AGPAT4: variants seen among roughly 807,000 people sequenced by gnomAD.
AGPAT4 encodes 1-acyl-sn-glycerol-3-phosphate acyltransferase delta.
Under a neutral mutation model 48.0 loss-of-function variants are expected in AGPAT4, and 15 were observed. The ratio of observed to expected loss-of-function variants is 0.31; its 90% CI spans 0.21 to 0.48. The LOEUF is 0.48. Ranked by LOEUF, AGPAT4 falls within the 20% of genes least tolerant of loss-of-function variation. The probability of loss-of-function intolerance (pLI) is 0.99; values close to 1 mark genes in which losing one functional copy is unlikely to be tolerated. For missense variants in AGPAT4, 314 were observed against 482.5 expected (o/e 0.65, Z 3.27); for synonymous variants, 178 against 198.7 (o/e 0.90, Z 0.88).
rs1036190251 is a variant in AGPAT4 at position 161,216,985 on chromosome 6, G to C, written c.178+15051C>G. ...TGACTTTCCCCTCACACGTGGCTCT[G>C]ATTCACCTTTGCTCACCTGCTGATG... On this transcript the variant is annotated intron_variant, in intron 2 of 8. Coordinates refer to ENST00000320285, the MANE Select transcript of AGPAT4 (RefSeq NM_020133.3). The surrounding 1 kb of genome is among the most constrained non-coding windows in gnomAD (Gnocchi z 4.8). Among the ~76,000 whole-genome samples, 1 of 152,212 alleles carries C rather than the reference G, an allele frequency of 6.6e-6. No individual in the cohort carries two copies. The highest frequency in any genetic ancestry group is 1.5e-5 in the Non-Finnish European group (1 of 68,040).
At chr6:161,273,886 T>G (rs1197584617) in intron 1 of AGPAT4, 52 bp downstream of exon 1, 1 of 141,252 alleles carries the variant, frequency 7.1e-6, no homozygotes, top group Non-Finnish European at 1.5e-5. Context: ...AATGCAAACA[T>G]CAGCCACACC....
At position 161,266,821 on chromosome 6, in the gene AGPAT4, C is replaced by T. The variant is rs527260067; in HGVS notation, c.-90+7117G>A. Among the ~76,000 whole-genome samples, 100 of 152,280 alleles carry T rather than the reference C, an allele frequency of 6.6e-4. No homozygotes were observed. The highest frequency in any genetic ancestry group is 2.3e-3 in the African/African-American group (94 of 41,554). On this transcript the variant is annotated intron_variant, in intron 1 of 8. Transcript: ENST00000320285. This position sits in a 1 kb window ranked among gnomAD's most constrained non-coding sequence, Gnocchi z 6.2. ...ACAGATAGTTCTTTAAAATTTCATCCGCCTCGGTTAACCTCTACCCACAGA... is the reference window on the plus strand; with the variant it reads ...ACAGATAGTTCTTTAAAATTTCATCTGCCTCGGTTAACCTCTACCCACAGA...
rs1779255343 is a variant in AGPAT4, at chr6:161,141,718, T to A, written c.844-2098A>T. Among the ~76,000 whole-genome samples, 2 of 152,180 alleles carry A rather than the reference T, an allele frequency of 1.3e-5. No homozygotes were observed. Among genetic ancestry groups the A allele is most frequent in the African/African-American group, 4.8e-5 (2 of 41,434 alleles). On this transcript the variant is annotated intron_variant, in intron 7 of 8. Transcript: ENST00000320285. The surrounding 1 kb of genome is among the most constrained non-coding windows in gnomAD (Gnocchi z 6.7). ...TTTATAGTGCTTTTTTACAGTAATA[T>A]CACAAAGGGGAACTCACCATGGTGC...
Position 161,272,733 on chromosome 6 carries a change from A to ACACACACACACACACACAC in AGPAT4, c.-90+1204_-90+1205insGTGTGTGTGTGTGTGTGTG, listed in dbSNP as rs1783465451. On this transcript the variant is annotated intron_variant, in intron 1 of 8. Coordinates refer to ENST00000320285, the MANE Select transcript of AGPAT4 (RefSeq NM_020133.3). The surrounding 1 kb of genome is among the most constrained non-coding windows in gnomAD (Gnocchi z 4.2). ...ACACACACACACACACACACACACAAACACACACATTCTCCCTTCTCTCAA... is the reference window on the plus strand; with the variant it reads ...ACACACACACACACACACACACACAACACACACACACACACACACACACACACATTCTCCCTTCTCTCAA... Among the ~76,000 whole-genome samples the ACACACACACACACACACAC allele has an allele frequency of 8.5e-6, 1 of 116,996 alleles. No homozygotes were observed. Among genetic ancestry groups the ACACACACACACACACACAC allele is most frequent in the African/African-American group, 4.2e-5 (1 of 24,032 alleles). 76.8% of individuals were successfully genotyped at this position (116,996 alleles called of 152,430 possible).
Position 161,201,566 on chromosome 6 carries a change from C to G in AGPAT4, c.178+30470G>C, listed in dbSNP as rs1179974490. On this transcript the variant is annotated intron_variant, in intron 2 of 8. Transcript: ENST00000320285. This position sits in a 1 kb window ranked among gnomAD's most constrained non-coding sequence, Gnocchi z 6.0. ...CAGGAACTCTCCTGCAATACAGAGCCTCTGTCTTCTTCAGCAGGGCTTCTC... is the reference window on the plus strand; with the variant it reads ...CAGGAACTCTCCTGCAATACAGAGCGTCTGTCTTCTTCAGCAGGGCTTCTC... 6.6e-6 allele frequency among the ~76,000 whole-genome samples: 1 copy of G among 152,248 alleles called. No homozygotes were observed. The highest frequency in any genetic ancestry group is 1.5e-5 in the Non-Finnish European group (1 of 68,054).
Position 161,201,241 on chromosome 6 carries a change from T to C in AGPAT4, c.178+30795A>G, listed in dbSNP as rs978642793. On this transcript the variant is annotated intron_variant, in intron 2 of 8. Transcript: ENST00000320285. The surrounding 1 kb of genome is among the most constrained non-coding windows in gnomAD (Gnocchi z 6.0). The stretch of plus-strand genomic sequence containing the variant: ...TAATTCTGTACCTAATCAGATAAGG[T>C]GAAGGTTAAGAAGCCATTAATGAAA... Among the ~76,000 whole-genome samples the C allele has an allele frequency of 6.6e-6, 1 of 152,060 alleles. No homozygotes were observed. The highest frequency in any genetic ancestry group is 1.5e-5 in the Non-Finnish European group (1 of 67,998).
intron 1 of AGPAT4, among the ~76,000 whole-genome samples, chr6:161,260,723 C>T (rs1193170065): frequency 2.8e-5 from 4 of 141,008 alleles, no homozygotes; most frequent in Non-Finnish European, 4.6e-5. Flanking sequence ...TCCCTCTCTA[C>T]ACAAAATACA....
rs183295075 is a variant in AGPAT4, at chr6:161,188,464, C to T, written c.179-22047G>A. On this transcript the variant is annotated intron_variant, in intron 2 of 8. Transcript: ENST00000320285. ...TGAAACTTCCCAGTGTTTCCAACAACGTAATATTCTGTCCCTATTAAGATG... is the reference window on the plus strand; with the variant it reads ...TGAAACTTCCCAGTGTTTCCAACAATGTAATATTCTGTCCCTATTAAGATG... Among the ~76,000 whole-genome samples the T allele has an allele frequency of 2.6e-3, 394 of 152,216 alleles. 1 individual carries two copies. The highest frequency in any genetic ancestry group is 8.8e-3 in the African/African-American group (367 of 41,538).
rs1393438661 is a variant in AGPAT4 at position 161,165,384 on chromosome 6, A to G, written c.348+864T>C. 5.9e-5 allele frequency among the ~76,000 whole-genome samples: 9 copies of G among 152,272 alleles called. No homozygotes were observed. The highest frequency in any genetic ancestry group is 4.6e-4 in the Admixed American group (7 of 15,292). On this transcript the variant is annotated intron_variant, in intron 3 of 8. Transcript: ENST00000320285. The surrounding 1 kb of genome is among the most constrained non-coding windows in gnomAD (Gnocchi z 5.5). ...TGATAGCCTCTGTCTCCAATCTTCT[A>G]TATTCTAAACACCACGATTTTGTCT...
chr6:161,227,825 G>C (rs1430132866), intron 2 of AGPAT4, among the ~76,000 whole-genome samples: 1 of 152,110 alleles, frequency 6.6e-6, no homozygotes, highest in Non-Finnish European at 1.5e-5. Flanking sequence ...CTCCTTTTTT[G>C]AGCGTTACAC....
intron 1 of AGPAT4, among the ~76,000 whole-genome samples, chr6:161,258,207 T>C (rs781606882): frequency 1.1e-4 from 17 of 152,216 alleles, no homozygotes; most frequent in Non-Finnish European, 2.2e-4. Context: ...AGTTCAGAGA[T>C]GAAAACTCTA....
intron 2 of AGPAT4, among the ~76,000 whole-genome samples, chr6:161,228,954 CT>C (rs1241614940): frequency 6.6e-6 from 1 of 151,916 alleles, no homozygotes; most frequent in Non-Finnish European, 1.5e-5. Flanking sequence ...AGGTTGGTTG[CT>C]GCCACTAGAA....
chr6:161,261,626 T>C lies in AGPAT4; in HGVS notation c.-90+12312A>G, dbSNP rs1452673735. ...AAGCCAACGGAGGGATATTTTACCT[T>C]CCACAAATCCAGCTAATCATGTAGT... is the stretch of plus-strand genomic sequence containing the variant. On this transcript the variant is annotated intron_variant, in intron 1 of 8. Transcript: ENST00000320285. The surrounding 1 kb of genome is among the most constrained non-coding windows in gnomAD (Gnocchi z 5.3). 1.3e-5 allele frequency among the ~76,000 whole-genome samples: 2 copies of C among 152,200 alleles called. No homozygotes were observed. The highest frequency in any genetic ancestry group is 4.1e-4 in the South Asian group (2 of 4,822).
rs1031644762 is a variant in AGPAT4 at position 161,226,433 on chromosome 6, C to A, written c.178+5603G>T. On this transcript the variant is annotated intron_variant, in intron 2 of 8. Coordinates refer to ENST00000320285, the MANE Select transcript of AGPAT4 (RefSeq NM_020133.3). This position sits in a 1 kb window ranked among gnomAD's most constrained non-coding sequence, Gnocchi z 6.3. ...CAGAACAAACTGCTTCTCTCAAGGT[C>A]ATGCAGGGGTTGGAAAAGCCACAGC... Among the ~76,000 whole-genome samples, 2 of 152,174 alleles carry A rather than the reference C, an allele frequency of 1.3e-5. No individual in the cohort carries two copies. The highest frequency in any genetic ancestry group is 2.9e-5 in the Non-Finnish European group (2 of 68,022).
At position 161,178,045 on chromosome 6, in the gene AGPAT4, G is replaced by A. The variant is rs115272882; in HGVS notation, c.179-11628C>T. On this transcript the variant is annotated intron_variant, in intron 2 of 8. Transcript: ENST00000320285. The surrounding 1 kb of genome is among the most constrained non-coding windows in gnomAD (Gnocchi z 5.1). ...TCAGAGGGGCACCTGACTGTATGTG[G>A]TGTCAAATGGCCCCTACTGGGAGGT... Among the ~76,000 whole-genome samples, 2 of 152,174 alleles carry A rather than the reference G, an allele frequency of 1.3e-5. No individual in the cohort carries two copies. The highest frequency in any genetic ancestry group is 1.3e-4 in the Admixed American group (2 of 15,284).
intron 1 of AGPAT4, among the ~76,000 whole-genome samples, chr6:161,273,271 T>C (rs891884111): frequency 1.3e-5 from 2 of 152,042 alleles, no homozygotes; most frequent in African/African-American, 4.8e-5. Context: ...ATTAGGTAAA[T>C]AGAGAGGTAA....
In AGPAT4 at chr6:161,201,934, C is replaced by T. The variant is rs901363208; in HGVS notation, c.178+30102G>A. ...CATTAGATGTGTGAACTTTGATATGCCAAGTAGGATGCCAGTAAGAAAGAT... is the reference window on the plus strand; with the variant it reads ...CATTAGATGTGTGAACTTTGATATGTCAAGTAGGATGCCAGTAAGAAAGAT... On this transcript the variant is annotated intron_variant, in intron 2 of 8. Coordinates refer to ENST00000320285, the MANE Select transcript of AGPAT4 (RefSeq NM_020133.3). The surrounding 1 kb of genome is among the most constrained non-coding windows in gnomAD (Gnocchi z 6.0). Among the ~76,000 whole-genome samples, 3 of 152,116 alleles carry T rather than the reference C, an allele frequency of 2.0e-5. No individual in the cohort carries two copies. Among genetic ancestry groups the T allele is most frequent in the African/African-American group, 4.8e-5 (2 of 41,420 alleles).
In AGPAT4 at chr6:161,166,095, G is replaced by T; in HGVS notation, c.348+153C>A. 1 of 1,029,802 alleles carries T rather than the reference G, an allele frequency of 9.7e-7. No homozygotes were observed. The highest frequency in any genetic ancestry group is 1.6e-5 in the African/African-American group (1 of 61,938). The allele number at this position is 1,029,802 out of a possible 1,614,324, so 63.8% of individuals were successfully genotyped here. A position where few individuals can be genotyped will look rare whatever the true frequency, so the allele number is the denominator to read the frequency against. On this transcript the variant is annotated intron_variant, in intron 3 of 8. Coordinates refer to ENST00000320285, the MANE Select transcript of AGPAT4 (RefSeq NM_020133.3). This position sits in a 1 kb window ranked among gnomAD's most constrained non-coding sequence, Gnocchi z 6.7. ...AAGAAGCTGTTAAGACTGACTCCCA[G>T]CAAGAATAAAAAGCAGTTTATTAGG...
intron 1 of AGPAT4, among the ~76,000 whole-genome samples, chr6:161,250,207 A>T (rs1782769261): frequency 6.6e-6 from 1 of 152,166 alleles, no homozygotes; most frequent in South Asian, 2.1e-4. Context: ...GGAGGGTGGG[A>T]GTAGGGAGAG....
Sources: gnomAD v4.1 joint callset for allele counts (sites outside exome capture counted in the v4.1 genomes callset) on GRCh38, gnomAD v4.1.1 for gene constraint, Gnocchi (gnomAD v3.1) non-coding constraint, MANE v1.5 for transcripts, NCBI Gene and HGNC (gene_info 2026-07-23, HGNC 2026-07-21) for gene names.